Variants in DMD observed in about 807,000 individuals in gnomAD.
DMD encodes dystrophin, also known as mutant dystrophin.
DMD carries 63 observed loss-of-function variants against 330.1 expected under a neutral mutation model. The ratio of observed to expected loss-of-function variants is 0.19; its 90% CI spans 0.16 to 0.24. DMD has a LOEUF of 0.24. Ranked by LOEUF, DMD falls within the 10% of genes least tolerant of loss-of-function variation. The pLI is 1.00. For synonymous variants in DMD, 1,223 were observed against 959.8 expected, an observed-to-expected ratio of 1.27 and a Z score of -5.07; for missense variants, 3,344 against 2,684.1, an observed-to-expected ratio of 1.25 and a Z score of -5.43.
chrX:33,321,351 C>T (rs1398734024), intron 1 of DMD, among the ~76,000 whole-genome samples: 4 of 111,139 alleles, frequency 3.6e-5, no homozygotes, highest in African/African-American at 9.8e-5. Context: ...GGTATGAAAA[C>T]AACATGAGTC....
At chrX:33,239,417 A>G (rs1385510464) in intron 1 of DMD, among the ~76,000 whole-genome samples, 1 of 108,351 alleles carries the variant, frequency 9.2e-6, no homozygotes, top group African/African-American at 3.3e-5. Flanking sequence ...AGGTGTAACA[A>G]GAAACAAAGC....
At chrX:31,978,248 A>AT (rs1429102845) in intron 44 of DMD, among the ~76,000 whole-genome samples, 2 of 110,698 alleles carry the variant, frequency 1.8e-5, no homozygotes, top group African/African-American at 3.3e-5. Context: ...TGACATCTGT[A>AT]TTTTCCAGTA....
At chrX:32,230,285 A>C (rs1432880393) in intron 43 of DMD, among the ~76,000 whole-genome samples, 1 of 112,301 alleles carries the variant, frequency 8.9e-6, no homozygotes, top group Non-Finnish European at 1.9e-5. Context: ...CGCTCTGTCA[A>C]CCAGGCTGGA....
chrX:33,253,534 A>G (rs1366879760), intron 1 of DMD, among the ~76,000 whole-genome samples: 1 of 111,720 alleles, frequency 9.0e-6, no homozygotes, highest in Non-Finnish European at 1.9e-5. Flanking sequence ...AATTTCAATG[A>G]GTGAATTTTA....
intron 60 of DMD, among the ~76,000 whole-genome samples, chrX:31,431,949 G>A (rs758367281): frequency 9.2e-6 from 1 of 108,983 alleles, no homozygotes; most frequent in South Asian, 4.1e-4. Context: ...TGAGTAGTTG[G>A]GATTACAGGC....
At chrX:32,386,178 G>GTA in intron 33 of DMD, 132 bp downstream of exon 33, 1 of 639,453 alleles carries the variant, frequency 1.6e-6, no homozygotes, top group Non-Finnish European at 2.6e-6. Context: ...ATATATATAC[G>GTA]TATACATATA....
intron 74 of DMD, among the ~76,000 whole-genome samples, chrX:31,163,714 T>C (rs2039116601): frequency 9.0e-6 from 1 of 111,409 alleles, no homozygotes; most frequent in African/African-American, 3.3e-5. Context: ...TCACGCCTCC[T>C]CCCATACTTT....
At chrX:31,447,313 G>A (rs1239895449) in intron 59 of DMD, among the ~76,000 whole-genome samples, 1 of 75,022 alleles carries the variant, frequency 1.3e-5, no homozygotes, top group Non-Finnish European at 2.3e-5. Context: ...GATAGTGGAA[G>A]TTCTCTGAAC....
At chrX:31,795,039 G>A (rs2091762617) in intron 50 of DMD, among the ~76,000 whole-genome samples, 1 of 112,060 alleles carries the variant, frequency 8.9e-6, no homozygotes, top group African/African-American at 3.2e-5. Flanking sequence ...CCCCAATGGA[G>A]TGAATATTGT....
chrX:31,707,903 A>G (rs766867678), intron 52 of DMD, among the ~76,000 whole-genome samples: 1 of 111,877 alleles, frequency 8.9e-6, no homozygotes, highest in Non-Finnish European at 1.9e-5. Flanking sequence ...GAAAAAAAAG[A>G]CTTACATAAA....
At chrX:32,583,807 C>T (rs1177099977) in intron 13 of DMD, 1 of 112,342 alleles carries the variant, frequency 8.9e-6, no homozygotes, top group Non-Finnish European at 1.9e-5. Flanking sequence ...TTCCTCATAC[C>T]TGTAATAATA....
intron 2 of DMD, among the ~76,000 whole-genome samples, chrX:32,940,727 C>T (rs1038985198): frequency 1.8e-5 from 2 of 111,500 alleles, no homozygotes; most frequent in African/African-American, 3.3e-5. Flanking sequence ...AAACATCATT[C>T]TGGACATTGG....
At chrX:32,243,219 T>C (rs1481831678) in intron 43 of DMD, among the ~76,000 whole-genome samples, 2 of 110,295 alleles carry the variant, frequency 1.8e-5, no homozygotes, top group Non-Finnish European at 3.8e-5. Context: ...AGCGTAATAA[T>C]AAAAATAACT....
intron 55 of DMD, among the ~76,000 whole-genome samples, chrX:31,577,880 C>T (rs1189648580): frequency 9.0e-6 from 1 of 110,861 alleles, no homozygotes; most frequent in South Asian, 3.8e-4. Flanking sequence ...AAAGAAGGGG[C>T]CCTTTTGATG....
intron 64 of DMD, among the ~76,000 whole-genome samples, chrX:31,210,735 G>A (rs954258071): frequency 1.8e-5 from 2 of 111,865 alleles, no homozygotes; most frequent in African/African-American, 3.2e-5. Flanking sequence ...GGTAAATCCC[G>A]CTCAGTAAAC....
At chrX:31,916,998 A>G (rs1056293956) in intron 47 of DMD, among the ~76,000 whole-genome samples, 6 of 112,101 alleles carry the variant, frequency 5.4e-5, no homozygotes, top group African/African-American at 1.9e-4. Flanking sequence ...CCTTTCCAGT[A>G]TCTCAGAACA....
At chrX:33,012,883 G>C (rs2093727414) in intron 2 of DMD, among the ~76,000 whole-genome samples, 1 of 111,016 alleles carries the variant, frequency 9.0e-6, no homozygotes, top group Admixed American at 9.7e-5. Flanking sequence ...AAGTTGAGGG[G>C]CATTTGTATT....
At chrX:32,699,982 T>C (rs898186784) in intron 7 of DMD, among the ~76,000 whole-genome samples, 3 of 111,954 alleles carry the variant, frequency 2.7e-5, no homozygotes, top group Non-Finnish European at 5.7e-5. Flanking sequence ...TCTGACTTCA[T>C]ATCCTTTGCC....
At position 31,478,325 on chromosome X, in the gene DMD, C is replaced by T. The variant is rs377178242; in HGVS notation, c.8718G>A (p.Lys2906=). ...RAQNVTRLLR[K]QAEEVNTEWE... is the part of the protein sequence containing the mutation. ...ACTCAGTATTGACCTCCTCAGCCTG[C>T]TTTCGTAGAAGCCGAGTGACATTCT... Residue 2906 remains lysine, a synonymous_variant, in exon 59 of 79, where the codon AAG becomes AAA. Coordinates refer to ENST00000357033, the MANE Select transcript of DMD (RefSeq NM_004006.3). 6.2e-5 allele frequency: 75 copies of T among 1,209,702 alleles called. No homozygotes were observed. Among genetic ancestry groups the T allele is most frequent in the Non-Finnish European group, 8.0e-5 (72 of 895,286 alleles).
Sources: allele counts gnomAD v4.1 joint callset (sites outside exome capture counted in the v4.1 genomes callset), GRCh38; gene constraint gnomAD v4.1.1; transcripts MANE v1.5; gene names NCBI Gene and HGNC (gene_info 2026-07-23, HGNC 2026-07-21).